The following MXRA7 variants were observed in gnomAD, a reference collection of about 807,000 sequenced individuals.
The protein encoded by MXRA7 is matrix-remodeling-associated protein 7.
MXRA7 carries 18 observed loss-of-function variants against 17.4 expected under a neutral mutation model. The observed-to-expected ratio is 1.03, with a 90% CI of 0.71 to 1.53. MXRA7 has a LOEUF of 1.53. Ranked by LOEUF, MXRA7 falls within the 40% of genes most tolerant of loss-of-function variation. The pLI is 0.00. For missense variants in MXRA7, 141 were observed against 209.3 expected (o/e 0.67, Z 2.01); for synonymous variants, 70 against 101.7 (o/e 0.69, Z 1.87).
intron 1 of MXRA7, 102 bp from the exon 2 acceptor site, chr17:76,688,278 C>T (rs2076428902): frequency 1.3e-6 from 2 of 1,546,982 alleles, no homozygotes; most frequent in African/African-American, 2.7e-5. Context: ...CTCGAAGGTC[C>T]AGCCTGCCCA....
At chr17:76,684,709 CTG>C (rs745907141) in intron 3 of MXRA7, 18 of 444,126 alleles carry the variant, frequency 4.1e-5, no homozygotes, top group South Asian at 1.9e-4. Flanking sequence ...CTGTTGGGGA[CTG>C]TGTGTGTGAG....
rs2076427941 is a variant in MXRA7, at chr17:76,688,253, G to T, written c.343-77C>A. 9 of 1,592,210 alleles carry T rather than the reference G, an allele frequency of 5.7e-6. No homozygotes were observed. The Admixed American group carries it at 1.6e-4, about 28-fold the overall frequency. On this transcript the variant is annotated intron_variant, in intron 1 of 3. Coordinates refer to ENST00000449428, the MANE Select transcript of MXRA7 (RefSeq NM_198530.4). ...AGTGGTGGGGGGGCAGAAGGTAGGG[G>T]AGACAGAGGAGGCCCTCGAAGGTCC...
At chr17:76,687,054 CACTA>C (rs1418227547) in intron 2 of MXRA7, among the ~76,000 whole-genome samples, 1 of 152,228 alleles carries the variant, frequency 6.6e-6, no homozygotes, top group Non-Finnish European at 1.5e-5. Flanking sequence ...GTCCCCAAGT[CACTA>C]ACAGGATCCC....
intron 3 of MXRA7, 81 bp downstream of exon 3, chr17:76,684,991 G>A: frequency 3.4e-6 from 4 of 1,172,324 alleles, no homozygotes; most frequent in Non-Finnish European, 5.1e-6. Flanking sequence ...TTCTGCCAAG[G>A]GGCAGGAACA....
rs1222326589 is a variant in MXRA7, at chr17:76,680,547, T to G, written c.*320A>C. 66 of 1,141,952 alleles carry G rather than the reference T, an allele frequency of 5.8e-5. No individual in the cohort carries two copies. Among genetic ancestry groups the G allele is most frequent in the Non-Finnish European group, 7.1e-5 (66 of 929,458 alleles). 70.7% of individuals were successfully genotyped at this position (1,141,952 alleles called of 1,614,324 possible). ...TTCTTTTTATCTAAGGTGTGCAGGG[T>G]GTGTGGATAGCAAGTTTGAGTGGTA... On this transcript the variant is annotated 3_prime_UTR_variant, in exon 4 of 4. Transcript: ENST00000449428.
intron 3 of MXRA7, among the ~76,000 whole-genome samples, chr17:76,684,320 G>A (rs1310000819): frequency 1.3e-5 from 2 of 152,130 alleles, no homozygotes; most frequent in Non-Finnish European, 2.9e-5. Flanking sequence ...AAATGGCACA[G>A]CTACCACCTA....
At chr17:76,688,678 C>A in intron 1 of MXRA7, 1 of 1,238,614 alleles carries the variant, frequency 8.1e-7, no homozygotes, top group South Asian at 4.0e-5. Flanking sequence ...ACCTCTTCAG[C>A]CAGTTCTCTC....
In MXRA7 at chr17:76,687,522, A is replaced by G. The variant is rs535503203; in HGVS notation, c.406+591T>C. The stretch of plus-strand genomic sequence containing the variant: ...TGCCTCCGCTTTCTTTTTTAGAGAA[A>G]TAAGTGGATGGACCCAGCAGAAGCC... On this transcript the variant is annotated intron_variant, in intron 2 of 3. Transcript: ENST00000449428. Among the ~76,000 whole-genome samples, 4 of 152,326 alleles carry G rather than the reference A, an allele frequency of 2.6e-5. No homozygotes were observed. In the South Asian group the frequency reaches 8.3e-4, roughly 32 times the overall value.
intron 1 of MXRA7, 60 bp downstream of exon 1, chr17:76,710,545 C>A: frequency 8.3e-7 from 1 of 1,208,150 alleles, no homozygotes; most frequent in Non-Finnish European, 1.0e-6. Flanking sequence ...CGGCGGGGAA[C>A]GGCAGCGGCA....
chr17:76,707,210 T>C (rs1407624082), intron 1 of MXRA7, among the ~76,000 whole-genome samples: 3 of 151,754 alleles, frequency 2.0e-5, no homozygotes, highest in African/African-American at 7.3e-5. Context: ...ATTGCTTTAA[T>C]CTCCTAAATC....
intron 1 of MXRA7, among the ~76,000 whole-genome samples, chr17:76,691,997 A>C (rs1233397246): frequency 2.6e-5 from 4 of 152,128 alleles, no homozygotes; most frequent in Non-Finnish European, 5.9e-5. Context: ...CGTATCCCCA[A>C]AGGACCCAGT....
At chr17:76,686,655 T>C (rs766670776) in intron 2 of MXRA7, among the ~76,000 whole-genome samples, 39 of 152,324 alleles carry the variant, frequency 2.6e-4, no homozygotes, top group Non-Finnish European at 2.5e-4. Context: ...CCAGTTTTGC[T>C]AGACCAGAAT....
chr17:76,704,800 AAG>A (rs2076638125), intron 1 of MXRA7, among the ~76,000 whole-genome samples: 1 of 151,220 alleles, frequency 6.6e-6, no homozygotes, highest in Non-Finnish European at 1.5e-5. Context: ...AAAAAAAAAA[AAG>A]AATGCTGGAA....
intron 1 of MXRA7, chr17:76,690,079 G>C (rs190112919): frequency 2.0e-5 from 3 of 151,708 alleles, no homozygotes; most frequent in Admixed American, 2.0e-4. Flanking sequence ...AAGATAAATC[G>C]AGGGAAAAAT....
downstream of MXRA7, chr17:76,679,550 C>G: frequency 2.1e-6 from 2 of 967,388 alleles, no homozygotes; most frequent in South Asian, 4.8e-5. Flanking sequence ...ACAAAGCAAA[C>G]TGAAAAAACA....
chr17:76,706,450 A>G (rs900211434), intron 1 of MXRA7, among the ~76,000 whole-genome samples: 3 of 152,138 alleles, frequency 2.0e-5, no homozygotes, highest in Non-Finnish European at 4.4e-5. Context: ...GCCATCAAAA[A>G]GGACCACACT....
At chr17:76,677,511 G>A (rs1332205032), downstream of MXRA7, 2 of 996,002 alleles carry the variant, frequency 2.0e-6, no homozygotes, top group Non-Finnish European at 3.2e-6. Context: ...GCCTACAGAA[G>A]TCTGGAAAGA....
intron 1 of MXRA7, among the ~76,000 whole-genome samples, chr17:76,693,877 C>T (rs944719530): frequency 6.6e-5 from 10 of 152,170 alleles, no homozygotes; most frequent in Non-Finnish European, 1.2e-4. Flanking sequence ...CAACAAAAAA[C>T]TTCTGGTGTA....
At chr17:76,676,786 A>T (rs2076244356), downstream of MXRA7, 1 of 152,250 alleles carries the variant, frequency 6.6e-6, no homozygotes, top group Non-Finnish European at 1.5e-5. Context: ...AGTGGTACAC[A>T]CCTGTAGTCC....
Sources: gnomAD v4.1 joint callset for allele counts (sites outside exome capture counted in the v4.1 genomes callset) on GRCh38, gnomAD v4.1.1 for gene constraint, MANE v1.5 for transcripts, NCBI Gene and HGNC (gene_info 2026-07-23, HGNC 2026-07-21) for gene names.